Variants in TRAPPC3 observed in about 807,000 individuals in gnomAD.
TRAPPC3 encodes trafficking protein particle complex 3.
Under a neutral mutation model 18.2 loss-of-function variants are expected in TRAPPC3, and 5 were observed. The ratio of observed to expected loss-of-function variants is 0.28; its 90% CI spans 0.14 to 0.58. TRAPPC3 has a LOEUF of 0.58. TRAPPC3 is among the 20% of genes least tolerant of loss of function. The pLI, the probability that TRAPPC3 is intolerant of heterozygous loss-of-function variation, is 0.91. For missense variants in TRAPPC3, 176 were observed against 225.9 expected (o/e 0.78, Z 1.41); for synonymous variants, 65 against 84.2 (o/e 0.77, Z 1.25).
chr1:36,139,017 C>T (rs1222728339), intron 3 of TRAPPC3, among the ~76,000 whole-genome samples: 1 of 128,870 alleles, frequency 7.8e-6, no homozygotes, highest in African/African-American at 2.9e-5. Context: ...GCCTGGGCAA[C>T]AAGAGTGAGA....
At chr1:36,147,681 G>C (rs1219264998) in intron 1 of TRAPPC3, among the ~76,000 whole-genome samples, 1 of 152,136 alleles carries the variant, frequency 6.6e-6, no homozygotes, top group East Asian at 1.9e-4. Flanking sequence ...TTAGAGGTTA[G>C]AGAATTAGGC....
At chr1:36,137,678 A>T in intron 4 of TRAPPC3, 118 bp downstream of exon 4, 1 of 1,049,476 alleles carries the variant, frequency 9.5e-7, no homozygotes, top group Non-Finnish European at 1.4e-6. Flanking sequence ...TCACCATCTC[A>T]GGCAGTAAAG....
At chr1:36,149,487 G>C, upstream of TRAPPC3, 1 of 1,415,884 alleles carries the variant, frequency 7.1e-7, no homozygotes, top group Non-Finnish European at 9.7e-7. Flanking sequence ...GACCGGCACT[G>C]ACTCACTGCG....
chr1:36,147,451 G>A (rs1644217920), intron 1 of TRAPPC3, among the ~76,000 whole-genome samples: 1 of 149,188 alleles, frequency 6.7e-6, no homozygotes, highest in Non-Finnish European at 1.5e-5. Flanking sequence ...AGACCAACCT[G>A]GGCAACACAG....
intron 1 of TRAPPC3, among the ~76,000 whole-genome samples, chr1:36,141,507 G>A (rs529645116): frequency 4.6e-5 from 7 of 152,252 alleles, no homozygotes; most frequent in Admixed American, 2.0e-4. Context: ...GCCTGATGAT[G>A]GGGGCACTAC....
In TRAPPC3 at chr1:36,140,280, G is replaced by A. The variant is rs1570087287; in HGVS notation, c.43-114C>T. 3.1e-5 allele frequency: 20 copies of A among 637,482 alleles called. No individual in the cohort carries two copies. The East Asian group carries it at 6.3e-4, about 20-fold the overall frequency. The allele number at this position is 637,482 out of a possible 1,614,324, so 39.5% of individuals were successfully genotyped here. A position where few individuals can be genotyped will look rare whatever the true frequency, so the allele number is the denominator to read the frequency against. ...GGATTCCCTCTAACTGTGTCTGGAG[G>A]GAAAGAACATCATCCCCTTTGGAGG... On this transcript the variant is annotated intron_variant, in intron 1 of 4. Coordinates refer to ENST00000373166, the MANE Select transcript of TRAPPC3 (RefSeq NM_014408.5).
At chr1:36,152,299 T>C (rs959733229), upstream of TRAPPC3, among the ~76,000 whole-genome samples, 10 of 147,214 alleles carry the variant, frequency 6.8e-5, no homozygotes, top group Admixed American at 2.0e-4. Context: ...CTTTTTCTTT[T>C]TTTTTTTTTT....
At chr1:36,149,085 T>G in intron 1 of TRAPPC3, 1 of 1,400,664 alleles carries the variant, frequency 7.1e-7, no homozygotes. Flanking sequence ...TTATTGGTAT[T>G]TATTACCGTC....
At position 36,136,975 on chromosome 1, in the gene TRAPPC3, C is replaced by T; in HGVS notation, c.*228G>A. The T allele has an allele frequency of 2.5e-6, 1 of 405,476 alleles. No homozygotes were observed. The highest frequency in any genetic ancestry group is 3.9e-5 in the East Asian group (1 of 25,716). The allele number at this position is 405,476 out of a possible 1,614,324, so 25.1% of individuals were successfully genotyped here. On this transcript the variant is annotated 3_prime_UTR_variant, in exon 5 of 5. Coordinates refer to ENST00000373166, the MANE Select transcript of TRAPPC3 (RefSeq NM_014408.5). Reference sequence around the variant, plus strand: ...TCCAACCAAAGGTGATTACATCCAGCCCCTCTCAAGGGAATGGGGGCAGAG... The same window carrying T: ...TCCAACCAAAGGTGATTACATCCAGTCCCTCTCAAGGGAATGGGGGCAGAG...
At chr1:36,144,212 C>T (rs1644158265) in intron 1 of TRAPPC3, among the ~76,000 whole-genome samples, 1 of 133,846 alleles carries the variant, frequency 7.5e-6, no homozygotes, top group African/African-American at 2.8e-5. Context: ...TGCTTGAACC[C>T]AGGAGGCGGA....
At chr1:36,153,945 G>A (rs1331557212), upstream of TRAPPC3, among the ~76,000 whole-genome samples, 2 of 152,088 alleles carry the variant, frequency 1.3e-5, no homozygotes, top group African/African-American at 2.4e-5. Context: ...GGCTGTCCCT[G>A]GCCTATCTGT....
upstream of TRAPPC3, among the ~76,000 whole-genome samples, chr1:36,151,406 CTTTTG>C (rs769650218): frequency 2.6e-5 from 4 of 151,984 alleles, no homozygotes; most frequent in Non-Finnish European, 4.4e-5. Context: ...AATAGCCACT[CTTTTG>C]TTTATTTACT....
chr1:36,148,404 G>A lies in TRAPPC3; in HGVS notation c.42+933C>T, dbSNP rs188580879. Among the ~76,000 whole-genome samples, 229 of 152,306 alleles carry A rather than the reference G, an allele frequency of 1.5e-3. 1 individual carries two copies. Among genetic ancestry groups the A allele is most frequent in the African/African-American group, 4.9e-3 (205 of 41,566 alleles). ...GAGGTCAGGAGTTCGAGACCAGCCT[G>A]GCCAACATGGTGAAACCCCATCTCT... On this transcript the variant is annotated intron_variant, in intron 1 of 4. Coordinates refer to ENST00000373166, the MANE Select transcript of TRAPPC3 (RefSeq NM_014408.5).
chr1:36,138,670 A>G (rs962300568), intron 3 of TRAPPC3, among the ~76,000 whole-genome samples: 2 of 152,188 alleles, frequency 1.3e-5, no homozygotes, highest in East Asian at 3.8e-4. Flanking sequence ...CTAAATGTTC[A>G]TGTCCATTAT....
At chr1:36,137,731 A>G (rs922158962) in intron 4 of TRAPPC3, 65 bp downstream of exon 4, 1 of 1,508,322 alleles carries the variant, frequency 6.6e-7, no homozygotes. Flanking sequence ...TCTTTCATTC[A>G]TTTAAACACT....
upstream of TRAPPC3, among the ~76,000 whole-genome samples, chr1:36,154,478 G>A (rs1308771430): frequency 1.3e-5 from 2 of 152,166 alleles, no homozygotes; most frequent in African/African-American, 2.4e-5. Context: ...CACTGCCTGA[G>A]TCAGGTCTGG....
upstream of TRAPPC3, among the ~76,000 whole-genome samples, chr1:36,154,325 T>C (rs536510673): frequency 2.3e-3 from 357 of 152,250 alleles, 1 homozygote; most frequent in African/African-American, 7.9e-3. Flanking sequence ...CCGTAGCCAA[T>C]GTGGGTATCT....
chr1:36,148,678 T>A (rs887439155), intron 1 of TRAPPC3, among the ~76,000 whole-genome samples: 1 of 152,076 alleles, frequency 6.6e-6, no homozygotes, highest in African/African-American at 2.4e-5. Flanking sequence ...GACCATATGG[T>A]GTCCAAACTA....
upstream of TRAPPC3, among the ~76,000 whole-genome samples, chr1:36,150,162 C>G (rs1195288627): frequency 6.6e-6 from 1 of 152,200 alleles, no homozygotes; most frequent in African/African-American, 2.4e-5. Flanking sequence ...TCGTGGCCGT[C>G]AGTTCTGAGT....
Sources: gnomAD v4.1 joint callset for allele counts (sites outside exome capture counted in the v4.1 genomes callset) on GRCh38, gnomAD v4.1.1 for gene constraint, MANE v1.5 for transcripts, NCBI Gene and HGNC (gene_info 2026-07-23, HGNC 2026-07-21) for gene names.